TRIM33: variants seen among roughly 807,000 people sequenced by gnomAD.
The protein encoded by TRIM33 is E3 ubiquitin-protein ligase TRIM33.
Under a neutral mutation model 125.4 loss-of-function variants are expected in TRIM33, and 20 were observed. The ratio of observed to expected loss-of-function variants is 0.16; its 90% CI spans 0.11 to 0.23. The LOEUF (loss-of-function observed/expected upper bound fraction) is 0.23. TRIM33 is among the 10% of genes least tolerant of loss of function. The probability of loss-of-function intolerance (pLI) is 1.00; values close to 1 mark genes in which losing one functional copy is unlikely to be tolerated. For missense variants in TRIM33, 920 were observed against 1,411.4 expected, an observed-to-expected ratio of 0.65 and a Z score of 5.58; for synonymous variants, 564 against 513.9, an observed-to-expected ratio of 1.10 and a Z score of -1.32.
chr1:114,409,523 A>ACT (rs35483070), intron 12 of TRIM33, among the ~76,000 whole-genome samples: 10,613 of 152,198 alleles, frequency 0.07, 378 homozygotes, highest in South Asian at 0.075. Flanking sequence ...TCTTCAACTG[A>ACT]CTCTGTATTG....
At chr1:114,495,206 T>A (rs1206519247) in intron 1 of TRIM33, among the ~76,000 whole-genome samples, 1 of 152,128 alleles carries the variant, frequency 6.6e-6, no homozygotes, top group African/African-American at 2.4e-5. Flanking sequence ...TGAGCCCCCA[T>A]GCCTGCCAAA....
At chr1:114,438,373 T>A (rs1421898637) in intron 4 of TRIM33, among the ~76,000 whole-genome samples, 1 of 152,208 alleles carries the variant, frequency 6.6e-6, no homozygotes, top group Non-Finnish European at 1.5e-5. Flanking sequence ...GTATTAGAAG[T>A]CTAATTCCAC....
At chr1:114,438,200 G>A (rs1648425936) in intron 4 of TRIM33, among the ~76,000 whole-genome samples, 1 of 152,130 alleles carries the variant, frequency 6.6e-6, no homozygotes, top group African/African-American at 2.4e-5. Context: ...ACTATTCTTA[G>A]TAATTGTCAC....
At chr1:114,404,840 A>T (rs955029909) in intron 15 of TRIM33, 1 of 150,596 alleles carries the variant, frequency 6.6e-6, no homozygotes, top group African/African-American at 2.4e-5. Flanking sequence ...ATTTATAGCA[A>T]GAAAAAAGCT....
At chr1:114,502,299 T>C (rs1005529925) in intron 1 of TRIM33, among the ~76,000 whole-genome samples, 3 of 152,156 alleles carry the variant, frequency 2.0e-5, no homozygotes, top group African/African-American at 7.2e-5. Flanking sequence ...GTTCTTAATG[T>C]CCTTTAACAG....
At position 114,483,170 on chromosome 1, in the gene TRIM33, G is replaced by A. The variant is rs538391134; in HGVS notation, c.527-18782C>T. ...AATAATTTTTTAATTAGCTAGGTGC[G>A]ATGGTGCACACTTGTAGTCCCAGCT... On this transcript the variant is annotated intron_variant, in intron 1 of 19. Transcript: ENST00000358465. Among the ~76,000 whole-genome samples, 18 of 152,106 alleles carry A rather than the reference G, an allele frequency of 1.2e-4. No homozygotes were observed. The East Asian group carries it at 2.7e-3, about 23-fold the overall frequency.
chr1:114,410,359 C>T lies in TRIM33; in HGVS notation c.2062-43G>A, dbSNP rs768229275. 3.2e-6 allele frequency: 5 copies of T among 1,581,756 alleles called. No individual in the cohort carries two copies. In the South Asian group the frequency reaches 5.7e-5, roughly 18 times the overall value. On this transcript the variant is annotated intron_variant, in intron 11 of 19. Coordinates refer to ENST00000358465, the MANE Select transcript of TRIM33 (RefSeq NM_015906.4). ...AAAGACAAATTTGCTTTGATTAAAG[C>T]AGAGAAGTTATTAATTTTATGTCAC... is the stretch of plus-strand genomic sequence containing the variant.
chr1:114,490,136 GA>G lies in TRIM33; in HGVS notation c.526+20414del, dbSNP rs926270361. Among the ~76,000 whole-genome samples the G allele has an allele frequency of 7.3e-4, 80 of 109,174 alleles. 1 individual carries two copies. The East Asian group carries it at 0.014, about 19-fold the overall frequency. 71.6% of individuals were successfully genotyped at this position (109,174 alleles called of 152,430 possible). On this transcript the variant is annotated intron_variant, in intron 1 of 19. Transcript: ENST00000358465. ...GAAAGGAAAGAAAAAAGAAAGACAA[GA>G]AAAAAAAAATTAAGAAAAAGGGTAG...
At chr1:114,486,113 T>TA (rs1651666754) in intron 1 of TRIM33, among the ~76,000 whole-genome samples, 2 of 150,996 alleles carry the variant, frequency 1.3e-5, no homozygotes, top group South Asian at 4.2e-4. Flanking sequence ...CCATCTCTAC[T>TA]AAAAATACAA....
chr1:114,465,874 T>C (rs987665607), intron 1 of TRIM33, among the ~76,000 whole-genome samples: 47 of 151,898 alleles, frequency 3.1e-4, no homozygotes, highest in Non-Finnish European at 2.6e-4. Flanking sequence ...ACCCCGTCTC[T>C]ACTAAAAATT....
chr1:114,397,566 TA>T lies in TRIM33; in HGVS notation c.*81del. ...GTAGGCAGGATATTCCAGCAACACT[TA>T]AAAGTTTTCTGGGTTTTTTGTGTTT... On this transcript the variant is annotated 3_prime_UTR_variant, in exon 20 of 20. Transcript: ENST00000358465. The T allele has an allele frequency of 3.5e-6, 4 of 1,134,680 alleles. No individual in the cohort carries two copies. In the South Asian group the frequency reaches 5.7e-5, roughly 16 times the overall value. 70.3% of individuals were successfully genotyped at this position (1,134,680 alleles called of 1,614,324 possible).
At chr1:114,461,062 G>A (rs1258678128) in intron 4 of TRIM33, among the ~76,000 whole-genome samples, 1 of 151,504 alleles carries the variant, frequency 6.6e-6, no homozygotes, top group Admixed American at 6.6e-5. Flanking sequence ...ACCAGAGGCC[G>A]GGGCCAAGCT....
intron 4 of TRIM33, among the ~76,000 whole-genome samples, chr1:114,452,107 A>G (rs1030477527): frequency 1.3e-5 from 2 of 152,196 alleles, no homozygotes; most frequent in Admixed American, 1.3e-4. Flanking sequence ...AAACTGGGTC[A>G]CTAAAATGAC....
chr1:114,402,758 A>AC lies in TRIM33; in HGVS notation c.2892+1dup, dbSNP rs1651981209. 6.2e-7 allele frequency: 1 copy of AC among 1,611,162 alleles called. No homozygotes were observed. ...TGACAAATCAACTTATTTGACACTT[A>AC]CCCTTTGGTCCACGGGGCTTAACCC... On this transcript the variant is annotated splice_donor_variant, in intron 16 of 19. Coordinates refer to ENST00000358465, the MANE Select transcript of TRIM33 (RefSeq NM_015906.4). LOFTEE classifies it high-confidence loss of function.
At chr1:114,447,087 T>C (rs745361864) in intron 4 of TRIM33, among the ~76,000 whole-genome samples, 7 of 152,306 alleles carry the variant, frequency 4.6e-5, no homozygotes, top group East Asian at 3.9e-4. Context: ...ACTATAAAGA[T>C]TGACTGAAGA....
At chr1:114,486,570 A>G (rs1382924670) in intron 1 of TRIM33, among the ~76,000 whole-genome samples, 12 of 147,488 alleles carry the variant, frequency 8.1e-5, no homozygotes, top group South Asian at 4.3e-4. Context: ...AAAAAAACCC[A>G]AAAACCAAAA....
At chr1:114,435,650 CA>C (rs1557864108) in intron 4 of TRIM33, among the ~76,000 whole-genome samples, 1 of 151,982 alleles carries the variant, frequency 6.6e-6, no homozygotes. Context: ...AAATGTAGAT[CA>C]ATATGGGAAT....
chr1:114,414,087 T>C (rs1361073241), intron 11 of TRIM33, among the ~76,000 whole-genome samples: 1 of 149,116 alleles, frequency 6.7e-6, no homozygotes, highest in Non-Finnish European at 1.5e-5. Context: ...AAATTCGTGT[T>C]TGCATATTCC....
intron 1 of TRIM33, among the ~76,000 whole-genome samples, chr1:114,502,189 G>A (rs896687978): frequency 6.6e-6 from 1 of 152,114 alleles, no homozygotes; most frequent in African/African-American, 2.4e-5. Context: ...ACTGTTATGG[G>A]TACTCCAAAA....
Sources: gnomAD v4.1 joint callset for allele counts (sites outside exome capture counted in the v4.1 genomes callset) on GRCh38, gnomAD v4.1.1 for gene constraint, MANE v1.5 for transcripts, NCBI Gene and HGNC (gene_info 2026-07-23, HGNC 2026-07-21) for gene names.